Variants in PTBP3 observed in about 807,000 individuals in gnomAD.
PTBP3 encodes polypyrimidine tract-binding protein 3.
A neutral mutation model predicts 58.7 loss-of-function variants in PTBP3; 20 were observed. That is an observed-to-expected ratio of 0.34 (90% CI 0.24 to 0.50). PTBP3 has a LOEUF of 0.50. Among genes scored for constraint, PTBP3 ranks in the 20% least tolerant of loss-of-function variants. PTBP3 has a pLI of 0.98. For missense variants in PTBP3, 509 were observed against 637.2 expected, an observed-to-expected ratio of 0.80 and a Z score of 2.17; for synonymous variants, 185 against 219.8, an observed-to-expected ratio of 0.84 and a Z score of 1.40.
chr9:112,310,478 T>C (rs1381930251), intron 1 of PTBP3, among the ~76,000 whole-genome samples: 1 of 152,220 alleles, frequency 6.6e-6, no homozygotes, highest in African/African-American at 2.4e-5. Context: ...GAATTCAGTA[T>C]GTATAAATGT....
At chr9:112,325,179 G>A (rs1418749459) in intron 1 of PTBP3, among the ~76,000 whole-genome samples, 1 of 152,096 alleles carries the variant, frequency 6.6e-6, no homozygotes, top group African/African-American at 2.4e-5. Context: ...AAAGAGGGAA[G>A]GGTCCCCGGA....
Position 112,290,711 on chromosome 9 carries a change from C to CACACAA in PTBP3, c.34+7120_34+7121insTTGTGT, listed in dbSNP as rs1554799466. On this transcript the variant is annotated intron_variant, in intron 2 of 13. Transcript: ENST00000374257. ...AAATATATATATATATATATATACA[C>CACACAA]ACACACACACACACACACACACACA... 1.3e-3 allele frequency among the ~76,000 whole-genome samples: 179 copies of CACACAA among 141,054 alleles called. 1 individual carries two copies. Among genetic ancestry groups the CACACAA allele is most frequent in the South Asian group, 6.1e-3 (25 of 4,112 alleles). The allele number at this position is 141,054 out of a possible 152,430, so 92.5% of individuals were successfully genotyped here.
the PTBP3 span, among the ~76,000 whole-genome samples, chr9:112,343,986 A>C: frequency 6.6e-6 from 1 of 152,048 alleles, no homozygotes; most frequent in Non-Finnish European, 1.5e-5. Flanking sequence ...CAGGAGCTAC[A>C]CACACACATT....
intron 2 of PTBP3, among the ~76,000 whole-genome samples, chr9:112,276,453 C>A: frequency 6.6e-6 from 1 of 151,918 alleles, no homozygotes. Context: ...TTATCACATC[C>A]TAAGGAGATA....
the PTBP3 span, among the ~76,000 whole-genome samples, chr9:112,361,364 G>C: frequency 6.6e-6 from 1 of 152,168 alleles, no homozygotes; most frequent in Non-Finnish European, 1.5e-5. Context: ...CTCCCAAAGT[G>C]CTGGGATTAC....
chr9:112,353,044 G>A, the PTBP3 span, among the ~76,000 whole-genome samples: 14 of 152,006 alleles, frequency 9.2e-5, no homozygotes, highest in African/African-American at 2.7e-4. Context: ...GGGATTACAG[G>A]TGCCTGCCAC....
intron 2 of PTBP3, among the ~76,000 whole-genome samples, chr9:112,295,601 T>TTA (rs546945138): frequency 1.4e-4 from 13 of 92,526 alleles, no homozygotes; most frequent in African/African-American, 2.6e-4. Flanking sequence ...GTTCTGTTGG[T>TTA]AAAAAAAAAA....
chr9:112,323,829 A>G (rs1353811362), intron 1 of PTBP3, among the ~76,000 whole-genome samples: 1 of 152,202 alleles, frequency 6.6e-6, no homozygotes. Flanking sequence ...GAAAAAAGAG[A>G]GAGAGTACAG....
intron 7 of PTBP3, among the ~76,000 whole-genome samples, chr9:112,250,504 T>C (rs1836066088): frequency 6.6e-6 from 1 of 152,174 alleles, no homozygotes; most frequent in Non-Finnish European, 1.5e-5. Context: ...ATAAATCCTC[T>C]TCTTTGAATA....
chr9:112,266,754 T>G (rs1836816631), intron 4 of PTBP3, among the ~76,000 whole-genome samples: 1 of 152,234 alleles, frequency 6.6e-6, no homozygotes, highest in South Asian at 2.1e-4. Flanking sequence ...TATATAGACA[T>G]CTGAATACAC....
At chr9:112,374,019 T>C in the PTBP3 span, among the ~76,000 whole-genome samples, 2 of 152,304 alleles carry the variant, frequency 1.3e-5, no homozygotes, top group South Asian at 4.2e-4. Flanking sequence ...CTTTCATTTC[T>C]GAAGGGTCTG....
At chr9:112,352,552 A>G in the PTBP3 span, among the ~76,000 whole-genome samples, 207 of 152,292 alleles carry the variant, frequency 1.4e-3, no homozygotes, top group African/African-American at 4.5e-3. Context: ...TACCTTCCTT[A>G]ACGTCTGAAA....
the PTBP3 span, among the ~76,000 whole-genome samples, chr9:112,371,724 G>C: frequency 7.6e-6 from 1 of 132,332 alleles, no homozygotes; most frequent in Non-Finnish European, 1.6e-5. Flanking sequence ...TTATTTCTTA[G>C]TTCACAATTC....
In PTBP3 at chr9:112,250,800, G is replaced by T. The variant is rs933414898; in HGVS notation, c.802+129C>A. 22 of 902,786 alleles carry T rather than the reference G, an allele frequency of 2.4e-5. No individual in the cohort carries two copies. In the African/African-American group the frequency reaches 3.4e-4, roughly 14 times the overall value. 55.9% of individuals were successfully genotyped at this position (902,786 alleles called of 1,614,324 possible). Reference sequence around the variant, plus strand: ...AATTAATGGGTATACTTTGTTCTAGGATTCTTGCTTTCCTTTATAAATCCT... The same window carrying T: ...AATTAATGGGTATACTTTGTTCTAGTATTCTTGCTTTCCTTTATAAATCCT... On this transcript the variant is annotated intron_variant, in intron 7 of 13. Transcript: ENST00000374257.
chr9:112,231,960 A>AAGAGAAG, intron 9 of PTBP3, 139 bp downstream of exon 9: 1 of 352,504 alleles, frequency 2.8e-6, no homozygotes, highest in Non-Finnish European at 4.7e-6. Flanking sequence ...AAGAGAAGAG[A>AAGAGAAG]AGAGAAGAGA....
intron 1 of PTBP3, among the ~76,000 whole-genome samples, chr9:112,311,907 C>G (rs1423103420): frequency 6.6e-6 from 1 of 152,110 alleles, no homozygotes; most frequent in Admixed American, 6.6e-5. Flanking sequence ...TAGGATCGTG[C>G]CTGTGAGTAG....
At chr9:112,332,717 ACCC>A (rs1222830741) in intron 1 of PTBP3, 2 of 1,578,340 alleles carry the variant, frequency 1.3e-6, no homozygotes, top group Non-Finnish European at 1.7e-6. Context: ...TTGGTCACGG[ACCC>A]CCATTAAATT....
chr9:112,312,915 A>C (rs1259022295), intron 1 of PTBP3, among the ~76,000 whole-genome samples: 2 of 152,064 alleles, frequency 1.3e-5, no homozygotes, highest in Non-Finnish European at 2.9e-5. Flanking sequence ...ATGGTGGTGC[A>C]TGCCTGTATT....
At chr9:112,309,213 A>G (rs1235625670) in intron 1 of PTBP3, among the ~76,000 whole-genome samples, 1 of 151,876 alleles carries the variant, frequency 6.6e-6, no homozygotes. Context: ...TTTTTTTTAA[A>G]TTAATAGCAT....
Sources: allele counts gnomAD v4.1 joint callset (sites outside exome capture counted in the v4.1 genomes callset), GRCh38; gene constraint gnomAD v4.1.1; transcripts MANE v1.5; gene names NCBI Gene and HGNC (gene_info 2026-07-23, HGNC 2026-07-21).